The following RNF130 variants were observed in gnomAD, a reference collection of about 807,000 sequenced individuals.
RNF130 encodes ring finger protein 130, also known as E3 ubiquitin-protein ligase RNF130.
A neutral mutation model predicts 44.6 loss-of-function variants in RNF130; 21 were observed. The ratio of observed to expected loss-of-function variants is 0.47; its 90% CI spans 0.33 to 0.68. The LOEUF is 0.68. Ranked by LOEUF, RNF130 falls within the 30% of genes least tolerant of loss-of-function variation. The pLI is 0.02. For missense variants in RNF130, 479 were observed against 560.6 expected, an observed-to-expected ratio of 0.85 and a Z score of 1.47; for synonymous variants, 214 against 210.4, an observed-to-expected ratio of 1.02 and a Z score of -0.15.
chr5:180,010,847 G>A (rs1012534732), intron 3 of RNF130, among the ~76,000 whole-genome samples: 9 of 152,222 alleles, frequency 5.9e-5, no homozygotes, highest in African/African-American at 1.7e-4. Context: ...CTACACATGC[G>A]ATAAAACTAC....
At chr5:180,069,750 G>T (rs972094228) in intron 1 of RNF130, among the ~76,000 whole-genome samples, 1 of 152,190 alleles carries the variant, frequency 6.6e-6, no homozygotes, top group Non-Finnish European at 1.5e-5. Context: ...GTAAAGCACA[G>T]GCCTGACTCA....
chr5:180,051,746 A>G (rs1764692122), intron 1 of RNF130, among the ~76,000 whole-genome samples: 1 of 152,186 alleles, frequency 6.6e-6, no homozygotes, highest in East Asian at 1.9e-4. Flanking sequence ...TAGAACGCAA[A>G]TATATCTGTT....
At chr5:180,005,514 A>G (rs1407086742) in intron 3 of RNF130, among the ~76,000 whole-genome samples, 1 of 152,230 alleles carries the variant, frequency 6.6e-6, no homozygotes, top group East Asian at 1.9e-4. Context: ...TGCCCTTCAT[A>G]GTCTAGTGAC....
chr5:179,980,035 GAAATGTAAAC>G, intron 4 of RNF130, 84 bp downstream of exon 4: 1 of 996,068 alleles, frequency 1.0e-6, no homozygotes, highest in Non-Finnish European at 1.6e-6. Context: ...TCTAACGAAT[GAAATGTAAAC>G]AATTAGGGTG....
chr5:179,936,704 C>A (rs1489202959), intron 7 of RNF130, among the ~76,000 whole-genome samples: 1 of 152,200 alleles, frequency 6.6e-6, no homozygotes, highest in African/African-American at 2.4e-5. Context: ...AAGACTCAAA[C>A]TTCCCAATTC....
At chr5:179,926,350 C>A (rs1761707801) in intron 7 of RNF130, among the ~76,000 whole-genome samples, 1 of 152,090 alleles carries the variant, frequency 6.6e-6, no homozygotes, top group Admixed American at 6.6e-5. Context: ...CAATATCCTT[C>A]ATAATAAATC....
At chr5:179,953,221 C>T (rs1216357655), downstream of RNF130, among the ~76,000 whole-genome samples, 1 of 151,372 alleles carries the variant, frequency 6.6e-6, no homozygotes, top group African/African-American at 2.4e-5. Context: ...ATCCCATGCT[C>T]ATGAGTTGGA....
At chr5:179,940,412 G>T (rs1349588017) in intron 7 of RNF130, among the ~76,000 whole-genome samples, 1 of 151,758 alleles carries the variant, frequency 6.6e-6, no homozygotes, top group African/African-American at 2.4e-5. Context: ...GTAGAGATGG[G>T]GTTTCACCAT....
chr5:179,960,620 G>A (rs1301960888), intron 8 of RNF130, among the ~76,000 whole-genome samples: 1 of 152,214 alleles, frequency 6.6e-6, no homozygotes, highest in Non-Finnish European at 1.5e-5. Flanking sequence ...GGTTTCAACA[G>A]TGAGTAGACA....
chr5:179,985,392 T>C (rs2113723588), intron 3 of RNF130, among the ~76,000 whole-genome samples: 1 of 152,246 alleles, frequency 6.6e-6, no homozygotes, highest in East Asian at 1.9e-4. Context: ...TTAAATGCTT[T>C]ACATAGCATA....
chr5:180,021,447 T>A (rs1258468882), intron 2 of RNF130, among the ~76,000 whole-genome samples: 1 of 152,160 alleles, frequency 6.6e-6, no homozygotes, highest in African/African-American at 2.4e-5. Flanking sequence ...CAAGCAACTC[T>A]AAGATGTCAT....
chr5:180,040,704 T>G, intron 1 of RNF130, 57 bp from the exon 2 acceptor site: 1 of 1,493,336 alleles, frequency 6.7e-7, no homozygotes, highest in Non-Finnish European at 9.1e-7. Context: ...CAAGTCTTTA[T>G]CAAAGTGTCA....
At chr5:179,980,034 T>C (rs1444803215) in intron 4 of RNF130, 95 bp downstream of exon 4, 1 of 987,644 alleles carries the variant, frequency 1.0e-6, no homozygotes, top group Non-Finnish European at 1.6e-6. Flanking sequence ...ATCTAACGAA[T>C]GAAATGTAAA....
At chr5:179,948,038 G>A (rs1762070232) in intron 7 of RNF130, among the ~76,000 whole-genome samples, 1 of 152,142 alleles carries the variant, frequency 6.6e-6, no homozygotes, top group Non-Finnish European at 1.5e-5. Flanking sequence ...ACTGTCTCCA[G>A]GCTGGAGGGT....
chr5:179,963,392 A>T, intron 8 of RNF130, 79 bp downstream of exon 8: 3 of 1,089,378 alleles, frequency 2.8e-6, no homozygotes, highest in Non-Finnish European at 4.2e-6. Flanking sequence ...GCCAGTTCTC[A>T]CCACCTTCAT....
chr5:179,967,070 CT>C, intron 6 of RNF130, 60 bp from the exon 7 acceptor site: 1 of 1,477,018 alleles, frequency 6.8e-7, no homozygotes, highest in Non-Finnish European at 9.4e-7. Flanking sequence ...TCATAAGATT[CT>C]AAAAAAGATT....
chr5:179,978,631 G>GT (rs1561678225), intron 4 of RNF130, among the ~76,000 whole-genome samples: 1 of 152,090 alleles, frequency 6.6e-6, no homozygotes, highest in Non-Finnish European at 1.5e-5. Flanking sequence ...GTCTGAAGAG[G>GT]TTTCACTGCT....
At position 179,963,555 on chromosome 5, in the gene RNF130, A is replaced by T. The variant is rs908386709; in HGVS notation, c.1160T>A (p.Phe387Tyr). The T allele has an allele frequency of 1.2e-6, 2 of 1,612,004 alleles. No individual in the cohort carries two copies. The highest frequency in any genetic ancestry group is 2.7e-5 in the African/African-American group (2 of 74,884). The stretch of plus-strand genomic sequence containing the variant: ...GAGGAGGCCAAAACTGGCAATAATA[A>T]ACCATTCTTCTGTTGACAAAGGAAA... ...EINIAVTKEW[F>Y]IIASFGLLSA... The change falls in exon 8 of 9, where the codon TTT (phenylalanine) becomes TAT (tyrosine). Residue 387 changes from phenylalanine (F) to tyrosine (Y), a missense_variant. Physicochemically the swap from Phe to Tyr is conservative, Grantham distance 22. This residue lies in a region of RNF130 where 161 missense variants were observed against 158.6 expected (regional missense o/e 1.02). Transcript: ENST00000521389.
chr5:179,963,637 CA>C, intron 7 of RNF130, 73 bp from the exon 8 acceptor site: 1 of 1,056,550 alleles, frequency 9.5e-7, no homozygotes, highest in Non-Finnish European at 1.5e-6. Flanking sequence ...ACATTTCCCT[CA>C]AATGCAACGA....
Sources: gnomAD v4.1 joint callset for allele counts (sites outside exome capture counted in the v4.1 genomes callset) on GRCh38, gnomAD v4.1.1 for gene constraint, gnomAD v4.1.1 regional missense constraint, MANE v1.5 for transcripts, NCBI Gene and HGNC (gene_info 2026-07-23, HGNC 2026-07-21) for gene names.